The following CNBD1 variants were observed in gnomAD, a reference collection of about 807,000 sequenced individuals.
CNBD1 encodes the protein cyclic nucleotide-binding domain-containing protein 1.
In CNBD1, 71 loss-of-function variants were observed where a neutral mutation model predicts 54.4. The observed-to-expected ratio is 1.30, with a 90% CI of 1.08 to 1.59. The LOEUF is 1.59. CNBD1 is among the 40% of genes most tolerant of loss of function. The pLI is 0.00. For missense variants in CNBD1, 659 were observed against 518.0 expected, an observed-to-expected ratio of 1.27 and a Z score of -2.64; for synonymous variants, 182 against 170.7, an observed-to-expected ratio of 1.07 and a Z score of -0.51.
intron 8 of CNBD1, among the ~76,000 whole-genome samples, chr8:87,312,158 A>G (rs1449299654): frequency 6.6e-6 from 1 of 152,108 alleles, no homozygotes; most frequent in Non-Finnish European, 1.5e-5. Flanking sequence ...TGAAAGGTGC[A>G]AATTGTAATT....
chr8:87,353,963 A>G, intron 10 of CNBD1, 177 bp downstream of exon 10: 1 of 480,010 alleles, frequency 2.1e-6, no homozygotes. Flanking sequence ...AATTTTGAAA[A>G]GGGCACATGT....
downstream of CNBD1, among the ~76,000 whole-genome samples, chr8:87,384,787 C>A (rs903133186): frequency 6.6e-6 from 1 of 151,778 alleles, no homozygotes; most frequent in Non-Finnish European, 1.5e-5. Flanking sequence ...TAAGATAGAA[C>A]AATATAGGTA....
intron 2 of CNBD1, among the ~76,000 whole-genome samples, chr8:86,898,174 C>T (rs760267636): frequency 3.3e-5 from 5 of 152,034 alleles, no homozygotes; most frequent in Non-Finnish European, 5.9e-5. Context: ...AAACATAAAT[C>T]TGTAAATATC....
chr8:87,237,392 T>C (rs1807606987), intron 6 of CNBD1: 1 of 238,696 alleles, frequency 4.2e-6, no homozygotes, highest in African/African-American at 2.2e-5. Context: ...AGGATAATAG[T>C]AGTTTCAGAT....
At chr8:87,075,670 T>G (rs1810854369) in intron 4 of CNBD1, among the ~76,000 whole-genome samples, 1 of 152,216 alleles carries the variant, frequency 6.6e-6, no homozygotes, top group Non-Finnish European at 1.5e-5. Context: ...GATTAAAGCC[T>G]TCTTCCTTGG....
At chr8:87,428,649 C>G (rs1190824559) in intron 3 of CNBD1, 1 of 443,796 alleles carries the variant, frequency 2.3e-6, no homozygotes, top group Non-Finnish European at 4.5e-6. Context: ...AAATGTCACT[C>G]TTCATAGTAA....
chr8:87,272,340 A>C (rs1808385429), intron 6 of CNBD1, among the ~76,000 whole-genome samples: 1 of 152,038 alleles, frequency 6.6e-6, no homozygotes, highest in South Asian at 2.1e-4. Flanking sequence ...TCTAAAAAAT[A>C]TGTGCATCTA....
intron 4 of CNBD1, among the ~76,000 whole-genome samples, chr8:87,068,927 C>T (rs1810707641): frequency 6.6e-6 from 1 of 151,968 alleles, no homozygotes; most frequent in African/African-American, 2.4e-5. Flanking sequence ...AAATAGTAAG[C>T]ACCTTTTGGT....
chr8:87,113,628 A>G (rs1051291960), intron 4 of CNBD1, among the ~76,000 whole-genome samples: 3 of 152,240 alleles, frequency 2.0e-5, no homozygotes, highest in African/African-American at 2.4e-5. Context: ...TACCTCAAAA[A>G]GAAATGATGG....
At chr8:87,200,163 G>C (rs1236217076) in intron 4 of CNBD1, among the ~76,000 whole-genome samples, 1 of 152,074 alleles carries the variant, frequency 6.6e-6, no homozygotes, top group Admixed American at 6.6e-5. Context: ...CAGATGAATA[G>C]GAGAGAAAAA....
chr8:87,374,807 G>A (rs554524495), intron 10 of CNBD1, among the ~76,000 whole-genome samples: 4 of 150,358 alleles, frequency 2.7e-5, no homozygotes, highest in Non-Finnish European at 4.4e-5. Flanking sequence ...GGATGGAATT[G>A]CTCAGAAAAA....
chr8:87,353,703 T>C lies in CNBD1; in HGVS notation c.1220T>C (p.Val407Ala). 1.2e-6 allele frequency: 2 copies of C among 1,611,136 alleles called. No homozygotes were observed. The highest frequency in any genetic ancestry group is 1.3e-5 in the African/African-American group (1 of 74,990). ...AAGGAGTCCTTTGGTGAGATTAGCGTCCTTCTTCAAGTTCCTTTCACGTGC... is the reference window on the plus strand; with the variant it reads ...AAGGAGTCCTTTGGTGAGATTAGCGCCCTTCTTCAAGTTCCTTTCACGTGC... ...KEKESFGEIS[V>A]LLQVPFTCTI... is the part of the protein sequence containing the mutation. The change falls in exon 10 of 11, where the codon GTC becomes GCC. Residue 407 changes from valine (V) to alanine (A), a missense_variant. Coordinates refer to ENST00000518476, the MANE Select transcript of CNBD1 (RefSeq NM_173538.3).
chr8:87,149,006 A>G (rs1738269606), intron 4 of CNBD1, among the ~76,000 whole-genome samples: 1 of 152,212 alleles, frequency 6.6e-6, no homozygotes, highest in African/African-American at 2.4e-5. Flanking sequence ...TTCCCACCAC[A>G]GTCATGAGAA....
chr8:86,942,071 C>G (rs1807331626), intron 4 of CNBD1, among the ~76,000 whole-genome samples: 1 of 152,174 alleles, frequency 6.6e-6, no homozygotes, highest in Admixed American at 6.5e-5. Flanking sequence ...GAAGGAAATT[C>G]ATTTTTATGA....
intron 4 of CNBD1, among the ~76,000 whole-genome samples, chr8:87,192,986 A>G (rs1472727655): frequency 6.6e-6 from 1 of 152,218 alleles, no homozygotes. Flanking sequence ...ATAAGTGGTA[A>G]TCGCTTCTCT....
chr8:87,211,738 C>G (rs957388222), intron 5 of CNBD1, among the ~76,000 whole-genome samples: 1 of 152,212 alleles, frequency 6.6e-6, no homozygotes, highest in South Asian at 2.1e-4. Flanking sequence ...ACCTGCCATG[C>G]TCATGCAGCC....
intron 4 of CNBD1, among the ~76,000 whole-genome samples, chr8:86,965,244 A>G (rs1808040304): frequency 6.6e-6 from 1 of 152,220 alleles, no homozygotes; most frequent in Non-Finnish European, 1.5e-5. Context: ...AAACAATAAT[A>G]GGAAAGACTA....
chr8:86,926,053 C>CT (rs1325682658), intron 3 of CNBD1, among the ~76,000 whole-genome samples: 2 of 152,104 alleles, frequency 1.3e-5, no homozygotes, highest in Non-Finnish European at 2.9e-5. Flanking sequence ...TCAGAGTGCG[C>CT]TTTTTTCAAT....
At chr8:86,909,003 G>T (rs1251764152) in intron 3 of CNBD1, among the ~76,000 whole-genome samples, 3 of 152,078 alleles carry the variant, frequency 2.0e-5, no homozygotes, top group African/African-American at 7.2e-5. Context: ...TGATCTGCCC[G>T]CCTTGGCCTC....
Sources: allele counts gnomAD v4.1 joint callset (sites outside exome capture counted in the v4.1 genomes callset), GRCh38; gene constraint gnomAD v4.1.1; transcripts MANE v1.5; gene names NCBI Gene and HGNC (gene_info 2026-07-23, HGNC 2026-07-21).